The following NTN1 variants were observed in gnomAD, a reference collection of about 807,000 sequenced individuals.
The protein encoded by NTN1 is netrin 1.
NTN1 carries 11 observed loss-of-function variants against 54.2 expected under a neutral mutation model. The observed-to-expected ratio is 0.20, with a 90% CI of 0.13 to 0.34. The LOEUF (loss-of-function observed/expected upper bound fraction) is 0.34. NTN1 is among the 10% of genes least tolerant of loss of function. The pLI, the probability that NTN1 is intolerant of heterozygous loss-of-function variation, is 1.00. For missense variants in NTN1, 740 were observed against 893.1 expected (o/e 0.83, Z 2.18); for synonymous variants, 371 against 382.0 (o/e 0.97, Z 0.33).
chr17:9,214,582 G>A (rs556640627), intron 5 of NTN1, among the ~76,000 whole-genome samples: 1 of 152,338 alleles, frequency 6.6e-6, no homozygotes, highest in Non-Finnish European at 1.5e-5. Context: ...CAGCACTTTG[G>A]GAGGCCGAGG....
At chr17:9,137,999 G>C (rs964660470) in intron 2 of NTN1, among the ~76,000 whole-genome samples, 14 of 150,648 alleles carry the variant, frequency 9.3e-5, no homozygotes, top group African/African-American at 3.5e-4. Flanking sequence ...AAGTGCAGTG[G>C]GCAACCAGAT....
Position 9,240,547 on chromosome 17 carries a change from A to G in NTN1, c.*579A>G, listed in dbSNP as rs1107361. 0.16 allele frequency: 24,363 copies of G among 151,948 alleles called. 2,005 individuals carry two copies. Among genetic ancestry groups the G allele is most frequent in the Non-Finnish European group, 0.18 (12,086 of 68,016 alleles). The allele number at this position is 151,948 out of a possible 1,614,324, so 9.4% of individuals were successfully genotyped here. A position where few individuals can be genotyped will look rare whatever the true frequency, so the allele number is the denominator to read the frequency against. Reference sequence around the variant, plus strand: ...GGGCCACCTGGCTGTCACAGCCTGGACTCCTCCATCTGAAGGGGCCTGGCA... The same window carrying G: ...GGGCCACCTGGCTGTCACAGCCTGGGCTCCTCCATCTGAAGGGGCCTGGCA... On this transcript the variant is annotated 3_prime_UTR_variant, in exon 7 of 7. Transcript: ENST00000173229.
chr17:9,101,067 C>T (rs1320290749), intron 2 of NTN1, among the ~76,000 whole-genome samples: 1 of 152,142 alleles, frequency 6.6e-6, no homozygotes, highest in South Asian at 2.1e-4. Flanking sequence ...TTATTAAATT[C>T]ATTATGTTCT....
chr17:9,024,394 G>A (rs574741403), intron 2 of NTN1, among the ~76,000 whole-genome samples: 1 of 152,312 alleles, frequency 6.6e-6, no homozygotes, highest in Admixed American at 6.5e-5. Context: ...TTATTTGAGC[G>A]AAAATTATTT....
the NTN1 span, among the ~76,000 whole-genome samples, chr17:9,006,189 TG>T: frequency 2.8e-5 from 1 of 36,000 alleles, no homozygotes; most frequent in East Asian, 7.5e-4. Flanking sequence ...TGGTGGGTAG[TG>T]GGGGGGACAA....
chr17:9,211,323 G>C lies in NTN1; in HGVS notation c.1412-9845G>C. Among the ~76,000 whole-genome samples, 1 of 152,158 alleles carries C rather than the reference G, an allele frequency of 6.6e-6. No individual in the cohort carries two copies. The highest frequency in any genetic ancestry group is 1.9e-4 in the East Asian group (1 of 5,188). On this transcript the variant is annotated intron_variant, in intron 5 of 6. Transcript: ENST00000173229. This position sits in a 1 kb window ranked among gnomAD's most constrained non-coding sequence, Gnocchi z 4.4. Reference sequence around the variant, plus strand: ...CCTTGTCATCTGAGTGTCACCTCCTGGGATGGGTCTAAGTAGGTCTCCACC... The same window carrying C: ...CCTTGTCATCTGAGTGTCACCTCCTCGGATGGGTCTAAGTAGGTCTCCACC...
chr17:9,011,373 C>G, the NTN1 span, among the ~76,000 whole-genome samples: 1 of 152,168 alleles, frequency 6.6e-6, no homozygotes, highest in African/African-American at 2.4e-5. Context: ...TGGCTCCAAT[C>G]TCTGCCTCTG....
intron 2 of NTN1, among the ~76,000 whole-genome samples, chr17:9,090,792 G>T (rs1356344360): frequency 6.6e-6 from 1 of 152,182 alleles, no homozygotes; most frequent in Admixed American, 6.5e-5. Context: ...CCAAGAGAAG[G>T]GGGCAGGGAG....
chr17:9,086,656 T>A (rs147544319), intron 2 of NTN1, among the ~76,000 whole-genome samples: 64 of 152,320 alleles, frequency 4.2e-4, no homozygotes, highest in Non-Finnish European at 8.5e-4. Context: ...CCTACCTTCA[T>A]GATCACCATC....
intron 2 of NTN1, among the ~76,000 whole-genome samples, chr17:9,112,330 G>A (rs186720752): frequency 2.7e-3 from 410 of 152,168 alleles, no homozygotes; most frequent in African/African-American, 8.7e-3. Flanking sequence ...TCACCTATTC[G>A]TTACAATTTG....
chr17:9,003,317 G>A, the NTN1 span, among the ~76,000 whole-genome samples: 13 of 151,690 alleles, frequency 8.6e-5, no homozygotes, highest in Admixed American at 8.5e-4. The surrounding 1 kb of genome is among the most constrained non-coding windows in gnomAD (Gnocchi z 7.4). Context: ...GGCGGGGGTG[G>A]CCGCGGGCCG....
chr17:9,059,683 G>A (rs1347095047), intron 2 of NTN1, among the ~76,000 whole-genome samples: 2 of 152,210 alleles, frequency 1.3e-5, no homozygotes, highest in African/African-American at 4.8e-5. Context: ...TGCCTAGTAA[G>A]TTATGGAATC....
At position 9,153,614 on chromosome 17, in the gene NTN1, G is replaced by A. The variant is rs556258489; in HGVS notation, c.1019-9199G>A. Among the ~76,000 whole-genome samples the A allele has an allele frequency of 1.4e-4, 22 of 152,298 alleles. No individual in the cohort carries two copies. The South Asian group carries it at 4.6e-3, about 32-fold the overall frequency. ...AACCACAGCTCAAGAGAAGGAAGAG[G>A]GGGCCACGGTCTGTTGAGAGAGCAG... On this transcript the variant is annotated intron_variant, in intron 2 of 6. Coordinates refer to ENST00000173229, the MANE Select transcript of NTN1 (RefSeq NM_004822.3).
chr17:9,061,106 G>T (rs1449450576), intron 2 of NTN1, among the ~76,000 whole-genome samples: 2 of 152,138 alleles, frequency 1.3e-5, no homozygotes, highest in Non-Finnish European at 2.9e-5. Flanking sequence ...TTGCACAGGG[G>T]AAAGATCATC....
intron 2 of NTN1, among the ~76,000 whole-genome samples, chr17:9,043,089 T>G (rs1356664148): frequency 6.6e-6 from 1 of 152,248 alleles, no homozygotes; most frequent in Non-Finnish European, 1.5e-5. Flanking sequence ...TTGTTTTTTT[T>G]TAAAAATCAT....
chr17:9,193,192 A>G (rs776980911), intron 5 of NTN1, among the ~76,000 whole-genome samples: 28 of 152,112 alleles, frequency 1.8e-4, no homozygotes, highest in African/African-American at 2.7e-4. Flanking sequence ...TCATTTTTCC[A>G]TGGTAAAACT....
At chr17:9,006,103 G>A in the NTN1 span, among the ~76,000 whole-genome samples, 29 of 151,760 alleles carry the variant, frequency 1.9e-4, no homozygotes, top group South Asian at 1.0e-3. Context: ...TGAAGTGGGC[G>A]GTGGAGGGGC....
At chr17:9,055,716 C>CT (rs1045745286) in intron 2 of NTN1, among the ~76,000 whole-genome samples, 12 of 151,802 alleles carry the variant, frequency 7.9e-5, no homozygotes, top group African/African-American at 2.2e-4. Context: ...AGGCAGACAT[C>CT]TTTTTTTTAA....
chr17:9,041,821 C>T (rs2091922501), intron 2 of NTN1, among the ~76,000 whole-genome samples: 1 of 151,908 alleles, frequency 6.6e-6, no homozygotes, highest in South Asian at 2.1e-4. Context: ...CCAGCCTGGC[C>T]AACGTGGTGA....
Sources: gnomAD v4.1 joint callset for allele counts (sites outside exome capture counted in the v4.1 genomes callset) on GRCh38, gnomAD v4.1.1 for gene constraint, Gnocchi (gnomAD v3.1) non-coding constraint, MANE v1.5 for transcripts, NCBI Gene and HGNC (gene_info 2026-07-23, HGNC 2026-07-21) for gene names.